NRXN3: variants seen among roughly 807,000 people sequenced by gnomAD.
NRXN3 encodes the protein neurexin III.
In NRXN3, 32 loss-of-function variants were observed where a neutral mutation model predicts 137.6. The ratio of observed to expected loss-of-function variants is 0.23; its 90% CI spans 0.18 to 0.31. NRXN3 has a LOEUF of 0.31. Among genes scored for constraint, NRXN3 ranks in the 10% least tolerant of loss-of-function variants. The probability of loss-of-function intolerance (pLI) is 1.00; values close to 1 mark genes in which losing one functional copy is unlikely to be tolerated. For synonymous variants in NRXN3, 798 were observed against 784.5 expected (o/e 1.02, Z -0.29); for missense variants, 1,574 against 2,062.5 (o/e 0.76, Z 4.59).
intron 1 of NRXN3, among the ~76,000 whole-genome samples, chr14:78,235,880 A>T (rs559961220): frequency 2.2e-4 from 33 of 152,284 alleles, no homozygotes; most frequent in African/African-American, 7.7e-4. Flanking sequence ...GGGAGAGAGG[A>T]CTAGGGTATA....
At chr14:79,272,656 C>T (rs1343123843) in intron 15 of NRXN3, among the ~76,000 whole-genome samples, 1 of 152,160 alleles carries the variant, frequency 6.6e-6, no homozygotes, top group African/African-American at 2.4e-5. Context: ...GAGAGCTCTA[C>T]CCTACTCTGA....
chr14:79,252,571 G>T (rs567644472), intron 15 of NRXN3, among the ~76,000 whole-genome samples: 41 of 152,084 alleles, frequency 2.7e-4, no homozygotes, highest in Non-Finnish European at 5.3e-4. Flanking sequence ...ATGTTTGTTG[G>T]GGGGGTGGTG....
At chr14:78,230,798 G>A (rs1228932141) in intron 1 of NRXN3, among the ~76,000 whole-genome samples, 1 of 152,156 alleles carries the variant, frequency 6.6e-6, no homozygotes, top group Admixed American at 6.5e-5. Flanking sequence ...TGGCCATGTG[G>A]GGTCTCAAAG....
At chr14:78,897,092 G>T (rs1276712198) in intron 10 of NRXN3, among the ~76,000 whole-genome samples, 1 of 151,870 alleles carries the variant, frequency 6.6e-6, no homozygotes, top group Non-Finnish European at 1.5e-5. Flanking sequence ...TTGAATAGTG[G>T]TGACAGAGAC....
At position 79,862,395 on chromosome 14, in the gene NRXN3, G is replaced by GT. The variant is rs1210858763; in HGVS notation, c.*437dup. 6.6e-6 allele frequency: 1 copy of GT among 152,242 alleles called. No individual in the cohort carries two copies. The highest frequency in any genetic ancestry group is 1.5e-5 in the Non-Finnish European group (1 of 68,566). The allele number at this position is 152,242 out of a possible 1,614,324, so 9.4% of individuals were successfully genotyped here. Reference sequence around the variant, plus strand: ...GTTTGTGAAGCTTGACTGTAACCATGTTTTTTCTGTTTAATTATGTAAAAA... The same window carrying GT: ...GTTTGTGAAGCTTGACTGTAACCATGTTTTTTTCTGTTTAATTATGTAAAAA... On this transcript the variant is annotated 3_prime_UTR_variant, in exon 21 of 21. Coordinates refer to ENST00000335750, the MANE Select transcript of NRXN3 (RefSeq NM_001330195.2).
At chr14:79,372,100 C>T (rs1272185994) in intron 15 of NRXN3, among the ~76,000 whole-genome samples, 1 of 150,200 alleles carries the variant, frequency 6.7e-6, no homozygotes, top group Non-Finnish European at 1.5e-5. Context: ...TTTAATCAAA[C>T]CTACATGTCT....
chr14:79,464,915 A>G (rs151199174), intron 15 of NRXN3, among the ~76,000 whole-genome samples: 65 of 152,286 alleles, frequency 4.3e-4, no homozygotes, highest in African/African-American at 1.5e-3. Context: ...TATTTTGCAA[A>G]CTGTAAAGCA....
chr14:79,565,949 C>T (rs943666699), intron 16 of NRXN3, among the ~76,000 whole-genome samples: 1 of 152,026 alleles, frequency 6.6e-6, no homozygotes, highest in African/African-American at 2.4e-5. Context: ...TACAGGCACC[C>T]AAGAACAGGC....
rs755850650 is a variant in NRXN3 at position 79,607,671 on chromosome 14, CA to C, written c.3445-56105del. ...AGCCACATATTTAAATGTTAATCTA[CA>C]ATTTTTTTTTTTTTTTTTGAGACAG... On this transcript the variant is annotated intron_variant, in intron 16 of 20. Transcript: ENST00000335750. 7.5e-3 allele frequency among the ~76,000 whole-genome samples: 989 copies of C among 131,644 alleles called. 13 individuals carry two copies. The highest frequency in any genetic ancestry group is 0.05 in the Middle Eastern group (13 of 262). 86.4% of individuals were successfully genotyped at this position (131,644 alleles called of 152,430 possible). A position where few individuals can be genotyped will look rare whatever the true frequency, so the allele number is the denominator to read the frequency against.
intron 10 of NRXN3, among the ~76,000 whole-genome samples, chr14:78,846,467 A>G (rs973316664): frequency 4.6e-5 from 7 of 152,146 alleles, no homozygotes; most frequent in Admixed American, 4.6e-4. Flanking sequence ...TGGGATTTAA[A>G]TACCATAATG....
intron 16 of NRXN3, among the ~76,000 whole-genome samples, chr14:79,567,881 A>G: frequency 6.6e-6 from 1 of 152,262 alleles, no homozygotes; most frequent in Non-Finnish European, 1.5e-5. Context: ...GTGTCAACTC[A>G]GAGGTGAATC....
intron 15 of NRXN3, among the ~76,000 whole-genome samples, chr14:79,368,155 G>A (rs1432037889): frequency 6.6e-6 from 1 of 152,124 alleles, no homozygotes; most frequent in Non-Finnish European, 1.5e-5. Flanking sequence ...AGAACAAGGG[G>A]ACATACCCTA....
chr14:78,674,685 A>T (rs927325370), intron 6 of NRXN3, among the ~76,000 whole-genome samples: 1 of 152,174 alleles, frequency 6.6e-6, no homozygotes, highest in Non-Finnish European at 1.5e-5. Flanking sequence ...CCCAGTATTT[A>T]TAGACTATTA....
chr14:78,407,522 C>A (rs1328778949), intron 4 of NRXN3, among the ~76,000 whole-genome samples: 1 of 152,142 alleles, frequency 6.6e-6, no homozygotes, highest in African/African-American at 2.4e-5. Flanking sequence ...GTGCAAAGGG[C>A]TGCAGAAGAG....
intron 15 of NRXN3, among the ~76,000 whole-genome samples, chr14:79,098,063 A>G (rs1568281705): frequency 6.6e-6 from 1 of 152,164 alleles, no homozygotes; most frequent in Non-Finnish European, 1.5e-5. Context: ...CTACACTGTA[A>G]GCAAAGTGGA....
At chr14:79,734,105 A>G (rs1352779964) in intron 19 of NRXN3, among the ~76,000 whole-genome samples, 1 of 152,200 alleles carries the variant, frequency 6.6e-6, no homozygotes, top group East Asian at 1.9e-4. Context: ...TGACAAATTC[A>G]TGGTCTGCAC....
At chr14:78,903,392 T>A (rs1346415031) in intron 10 of NRXN3, among the ~76,000 whole-genome samples, 1 of 151,938 alleles carries the variant, frequency 6.6e-6, no homozygotes, top group African/African-American at 2.4e-5. Context: ...TCTGCCTGCC[T>A]CAGTCTCCCA....
At chr14:79,077,095 A>G (rs759609521) in intron 15 of NRXN3, among the ~76,000 whole-genome samples, 2 of 152,196 alleles carry the variant, frequency 1.3e-5, no homozygotes, top group Admixed American at 6.5e-5. Context: ...AAATAAAATC[A>G]CTCAAAAATA....
At chr14:79,657,183 C>T (rs115093414) in intron 16 of NRXN3, among the ~76,000 whole-genome samples, 1,964 of 152,204 alleles carry the variant, frequency 0.013, 37 homozygotes, top group African/African-American at 0.043. Flanking sequence ...TCTTCGTTAT[C>T]GTTTTTCTAG....
Sources: gnomAD v4.1 joint callset for allele counts (sites outside exome capture counted in the v4.1 genomes callset) on GRCh38, gnomAD v4.1.1 for gene constraint, MANE v1.5 for transcripts, NCBI Gene and HGNC (gene_info 2026-07-23, HGNC 2026-07-21) for gene names.